SDK2: variants seen among roughly 807,000 people sequenced by gnomAD.
The protein encoded by SDK2 is protein sidekick-2.
SDK2 carries 105 observed loss-of-function variants against 253.9 expected under a neutral mutation model. That is an observed-to-expected ratio of 0.41 (90% CI 0.35 to 0.49). The LOEUF is 0.49. SDK2 is among the 20% of genes least tolerant of loss of function. The probability of loss-of-function intolerance (pLI) is 0.06; values close to 1 mark genes in which losing one functional copy is unlikely to be tolerated. For missense variants in SDK2, 2,608 were observed against 3,003.0 expected, an observed-to-expected ratio of 0.87 and a Z score of 3.07; for synonymous variants, 1,249 against 1,234.9, an observed-to-expected ratio of 1.01 and a Z score of -0.24.
chr17:73,640,778 C>A (rs903673313), intron 1 of SDK2, among the ~76,000 whole-genome samples: 1 of 152,158 alleles, frequency 6.6e-6, no homozygotes, highest in African/African-American at 2.4e-5. Flanking sequence ...TCAGGGTTGT[C>A]CCCACTGCCT....
rs2062401694 is a variant in SDK2, at chr17:73,338,551, G to T, written c.*36C>A. ...AGAGGAGGGGTGAAGGAGGAGTTTG[G>T]TGCCATTTCTCTTTCTGCTTTTTCC... is the stretch of plus-strand genomic sequence containing the variant. On this transcript the variant is annotated 3_prime_UTR_variant, in exon 45 of 45. Coordinates refer to ENST00000392650, the MANE Select transcript of SDK2 (RefSeq NM_001144952.2). This position sits in a 1 kb window ranked among gnomAD's most constrained non-coding sequence, Gnocchi z 5.0. 2 of 1,283,476 alleles carry T rather than the reference G, an allele frequency of 1.6e-6. No individual in the cohort carries two copies. Among genetic ancestry groups the T allele is most frequent in the Non-Finnish European group, 2.1e-6 (2 of 936,776 alleles). The allele number at this position is 1,283,476 out of a possible 1,614,324, so 79.5% of individuals were successfully genotyped here.
At position 73,447,595 on chromosome 17, in the gene SDK2, C is replaced by T. The variant is rs1198153696; in HGVS notation, c.613+20G>A. The T allele has an allele frequency of 6.4e-7, 1 of 1,551,702 alleles. No individual in the cohort carries two copies. The highest frequency in any genetic ancestry group is 1.4e-5 in the African/African-American group (1 of 73,040). On this transcript the variant is annotated intron_variant, in intron 5 of 44. Coordinates refer to ENST00000392650, the MANE Select transcript of SDK2 (RefSeq NM_001144952.2). The surrounding 1 kb of genome is among the most constrained non-coding windows in gnomAD (Gnocchi z 4.0). ...TTAATGGCCCGCTCCAAGATCGGTC[C>T]CGGCCCTGTGCGTACTTACTCTCCA...
chr17:73,355,174 A>ATATATATATTTTTTTTTTTTT, intron 40 of SDK2, among the ~76,000 whole-genome samples: 4 of 47,224 alleles, frequency 8.5e-5, no homozygotes, highest in African/African-American at 1.6e-4. Flanking sequence ...ATATATATAT[A>ATATATATATTTTTTTTTTTTT]TTTTTTTTTT....
At chr17:73,610,690 T>A (rs2045962404) in intron 1 of SDK2, among the ~76,000 whole-genome samples, 1 of 148,328 alleles carries the variant, frequency 6.7e-6, no homozygotes, top group South Asian at 2.1e-4. Context: ...GTGTAAGGCA[T>A]GTGTGTAATG....
chr17:73,396,740 C>G (rs2062974120), intron 24 of SDK2, among the ~76,000 whole-genome samples: 2 of 152,216 alleles, frequency 1.3e-5, no homozygotes, highest in Admixed American at 1.3e-4. Flanking sequence ...CCCTCCGCAT[C>G]AGGCTCTAAC....
At chr17:73,545,443 C>G (rs186980764) in intron 1 of SDK2, among the ~76,000 whole-genome samples, 1 of 152,086 alleles carries the variant, frequency 6.6e-6, no homozygotes, top group East Asian at 1.9e-4. Flanking sequence ...TGAGAGACAC[C>G]GGTGGTAGGG....
At chr17:73,625,476 A>G (rs138769525) in intron 1 of SDK2, among the ~76,000 whole-genome samples, 1 of 152,232 alleles carries the variant, frequency 6.6e-6, no homozygotes, top group Non-Finnish European at 1.5e-5. Context: ...GGGGAGGGGA[A>G]CACCTGAAGG....
At chr17:73,340,280 A>T (rs551347734) in intron 44 of SDK2, among the ~76,000 whole-genome samples, 1 of 152,210 alleles carries the variant, frequency 6.6e-6, no homozygotes, top group African/African-American at 2.4e-5. Flanking sequence ...CACCACTTCT[A>T]TCCAGCCCTG....
At chr17:73,518,668 G>C (rs546389715) in intron 1 of SDK2, 1 of 152,282 alleles carries the variant, frequency 6.6e-6, no homozygotes, top group East Asian at 1.9e-4. Context: ...TTATACCATC[G>C]ATTAGAATGT....
In SDK2 at chr17:73,557,395, T is replaced by A. The variant is rs188881683; in HGVS notation, c.65-49798A>T. Reference sequence around the variant, plus strand: ...TCGGCTCACTGCAACCTCCACCTCCTGGGTTCAAGCAATTCTCCTGCCTCA... The same window carrying A: ...TCGGCTCACTGCAACCTCCACCTCCAGGGTTCAAGCAATTCTCCTGCCTCA... On this transcript the variant is annotated intron_variant, in intron 1 of 44. Transcript: ENST00000392650. Among the ~76,000 whole-genome samples the A allele has an allele frequency of 2.5e-3, 387 of 152,014 alleles. 3 individuals are homozygous for A. Among genetic ancestry groups the A allele is most frequent in the African/African-American group, 8.9e-3 (368 of 41,492 alleles).
At position 73,386,446 on chromosome 17, in the gene SDK2, A is replaced by G; in HGVS notation, c.4497T>C (p.Ala1499=). ...EESESLTTLQ[A]APDEAPTILS... is the part of the protein sequence containing the mutation. ...GACTGCTGGGGAAGGGGTACTGACC[A>G]GCCTGCAGGGTGGTCAGTGACTCCG... Residue 1499 remains alanine (A), a splice_region_variant and synonymous_variant, in exon 31 of 45, where the codon GCT becomes GCC. Coordinates refer to ENST00000392650, the MANE Select transcript of SDK2 (RefSeq NM_001144952.2). 2 of 1,549,990 alleles carry G rather than the reference A, an allele frequency of 1.3e-6. No individual in the cohort carries two copies. The highest frequency in any genetic ancestry group is 2.4e-5 in the East Asian group (1 of 41,116).
At chr17:73,623,743 C>A (rs968027591) in intron 1 of SDK2, among the ~76,000 whole-genome samples, 1 of 152,154 alleles carries the variant, frequency 6.6e-6, no homozygotes, top group African/African-American at 2.4e-5. Flanking sequence ...CTCTCTGCTT[C>A]TTCACGCCTG....
intron 16 of SDK2, among the ~76,000 whole-genome samples, chr17:73,416,257 C>A (rs1023089631): frequency 7.0e-6 from 1 of 142,294 alleles, no homozygotes; most frequent in Non-Finnish European, 1.5e-5. Flanking sequence ...AGCGCAGTGG[C>A]GCAATCTCGG....
chr17:73,364,429 T>G (rs2062667171), intron 38 of SDK2, among the ~76,000 whole-genome samples: 1 of 151,692 alleles, frequency 6.6e-6, no homozygotes, highest in South Asian at 2.1e-4. Flanking sequence ...CAGTGGGGGG[T>G]GCAGGGACCT....
chr17:73,386,555 G>A lies in SDK2; in HGVS notation c.4395-7C>T. The A allele has an allele frequency of 6.5e-7, 1 of 1,545,252 alleles. No individual in the cohort carries two copies. The highest frequency in any genetic ancestry group is 1.4e-5 in the African/African-American group (1 of 73,086). On this transcript the variant is annotated splice_region_variant and splice_polypyrimidine_tract_variant and intron_variant, in intron 30 of 44. Transcript: ENST00000392650. ...GGACGTGAAGGGCTTCAGCCTGTAG[G>A]GAGAAATCAGGGCCAATGAGCCAAG...
Position 73,401,135 on chromosome 17 carries a change from C to A in SDK2, c.2856G>T (p.Glu952Asp). Reference sequence around the variant, plus strand: ...GCGCGGTGAGGCCCGTGACACGGTACTCCAGGGTCACGTTGGGCAGGTAGT... The same window carrying A: ...GCGCGGTGAGGCCCGTGACACGGTAATCCAGGGTCACGTTGGGCAGGTAGT... ...VTHYLPNVTL[E>D]YRVTGLTALT... Residue 952 changes from glutamate to aspartate, a missense_variant, in exon 21 of 45, where the codon GAG (glutamate) becomes GAT (aspartate). Glu to Asp is a conservative substitution (Grantham distance 45, BLOSUM62 2). This residue lies in a region of SDK2 where 1,505 missense variants were observed against 1,859.1 expected (regional missense o/e 0.81). Coordinates refer to ENST00000392650, the MANE Select transcript of SDK2 (RefSeq NM_001144952.2). The A allele has an allele frequency of 6.4e-7, 1 of 1,561,852 alleles. No homozygotes were observed. Among genetic ancestry groups the A allele is most frequent in the East Asian group, 2.4e-5 (1 of 41,778 alleles).
intron 1 of SDK2, among the ~76,000 whole-genome samples, chr17:73,615,626 T>C (rs1295910163): frequency 3.3e-5 from 5 of 152,178 alleles, no homozygotes; most frequent in African/African-American, 7.2e-5. Context: ...CAGGGTCTGA[T>C]GGTGGTTGCG....
intron 4 of SDK2, among the ~76,000 whole-genome samples, chr17:73,452,313 A>G (rs2063495848): frequency 6.6e-6 from 1 of 151,974 alleles, no homozygotes. Context: ...TCAGATGTGT[A>G]TCTCTGACAC....
At chr17:73,569,790 G>A (rs966022014) in intron 1 of SDK2, among the ~76,000 whole-genome samples, 7 of 152,178 alleles carry the variant, frequency 4.6e-5, no homozygotes, top group African/African-American at 1.2e-4. Context: ...TGGGCGATGA[G>A]AACCCCCGCA....
Sources: allele counts gnomAD v4.1 joint callset (sites outside exome capture counted in the v4.1 genomes callset), GRCh38; gene constraint gnomAD v4.1.1; regional missense constraint gnomAD v4.1.1; non-coding constraint Gnocchi (gnomAD v3.1); transcripts MANE v1.5; gene names NCBI Gene and HGNC (gene_info 2026-07-23, HGNC 2026-07-21).